ZNF516: variants seen among roughly 807,000 people sequenced by gnomAD.
The protein encoded by ZNF516 is zinc finger protein 516.
ZNF516 carries 19 observed loss-of-function variants against 79.7 expected under a neutral mutation model. The ratio of observed to expected loss-of-function variants is 0.24; its 90% CI spans 0.17 to 0.35. The LOEUF (loss-of-function observed/expected upper bound fraction) is 0.35, where lower values mean the gene tolerates loss of function less well. Ranked by LOEUF, ZNF516 falls within the 10% of genes least tolerant of loss-of-function variation. ZNF516 has a pLI of 1.00. For missense variants in ZNF516, 1,678 were observed against 1,679.5 expected (o/e 1.00, Z 0.02); for synonymous variants, 877 against 739.5 (o/e 1.19, Z -3.02).
chr18:76,357,860 A>G lies in ZNF516; in HGVS notation c.*4638T>C, dbSNP rs138846740. On this transcript the variant is annotated 3_prime_UTR_variant, in exon 7 of 7. Transcript: ENST00000443185. Reference sequence around the variant, plus strand: ...CCGCGTCCATCCCTGTGCGTCCTGTATGGGTGACAGTGCAAGGGTAAGAAC... The same window carrying G: ...CCGCGTCCATCCCTGTGCGTCCTGTGTGGGTGACAGTGCAAGGGTAAGAAC... 1.2e-4 allele frequency among the ~76,000 whole-genome samples: 19 copies of G among 152,218 alleles called. No individual in the cohort carries two copies. In the East Asian group the frequency reaches 3.5e-3, roughly 28 times the overall value.
intron 1 of ZNF516, among the ~76,000 whole-genome samples, chr18:76,486,051 A>G (rs1204201600): frequency 1.3e-5 from 2 of 152,288 alleles, no homozygotes; most frequent in African/African-American, 4.8e-5. Flanking sequence ...AGTCTTAACT[A>G]CTTATATTCA....
intron 1 of ZNF516, among the ~76,000 whole-genome samples, chr18:76,494,143 CAT>C (rs1335738414): frequency 4.6e-5 from 7 of 152,196 alleles, no homozygotes; most frequent in South Asian, 2.1e-4. Context: ...TCACCACACA[CAT>C]AAACTGCTGC....
intron 3 of ZNF516, among the ~76,000 whole-genome samples, chr18:76,418,478 CT>C (rs2075464294): frequency 6.6e-6 from 1 of 152,108 alleles, no homozygotes; most frequent in African/African-American, 2.4e-5. Flanking sequence ...CTACAACATG[CT>C]GTAACACACT....
intron 2 of ZNF516, among the ~76,000 whole-genome samples, chr18:76,458,886 T>C (rs1281811736): frequency 6.6e-6 from 1 of 151,010 alleles, no homozygotes; most frequent in Non-Finnish European, 1.5e-5. Context: ...GTCGTGTGTG[T>C]GCGTGCCTGT....
intron 3 of ZNF516, among the ~76,000 whole-genome samples, chr18:76,385,348 T>C (rs2074970005): frequency 6.6e-6 from 1 of 152,228 alleles, no homozygotes; most frequent in Non-Finnish European, 1.5e-5. Context: ...GTGGCAGACT[T>C]GCACTGTCTG....
Position 76,467,952 on chromosome 18 carries a change from CAA to C in ZNF516, c.-271-4813_-271-4812del, listed in dbSNP as rs1333281372. Among the ~76,000 whole-genome samples, 6 of 152,168 alleles carry C rather than the reference CAA, an allele frequency of 3.9e-5. No homozygotes were observed. In the East Asian group the frequency reaches 9.6e-4, roughly 24 times the overall value. Reference sequence around the variant, plus strand: ...CTGTCATCCCAGGCAGCCTTGCAAGCAAAGAGTAGCTGCGGCGCATTCCAGAC... The same window carrying C: ...CTGTCATCCCAGGCAGCCTTGCAAGCAGAGTAGCTGCGGCGCATTCCAGAC... On this transcript the variant is annotated intron_variant, in intron 1 of 6. Coordinates refer to ENST00000443185, the MANE Select transcript of ZNF516 (RefSeq NM_014643.4). This position sits in a 1 kb window ranked among gnomAD's most constrained non-coding sequence, Gnocchi z 4.2.
chr18:76,395,288 C>A (rs1159143953), intron 3 of ZNF516, among the ~76,000 whole-genome samples: 1 of 152,218 alleles, frequency 6.6e-6, no homozygotes, highest in Non-Finnish European at 1.5e-5. Flanking sequence ...CCTAAACGAG[C>A]ATCTCCCAGA....
At chr18:76,397,413 G>C (rs976081231) in intron 3 of ZNF516, among the ~76,000 whole-genome samples, 11 of 152,132 alleles carry the variant, frequency 7.2e-5, no homozygotes, top group Non-Finnish European at 1.3e-4. Flanking sequence ...GCCAGGACTA[G>C]AGCAACATGG....
intron 2 of ZNF516, among the ~76,000 whole-genome samples, chr18:76,444,930 C>T (rs560417344): frequency 5.7e-4 from 87 of 152,292 alleles, no homozygotes; most frequent in African/African-American, 2.0e-3. Flanking sequence ...CAGAAAGCCC[C>T]GCTTTGGAGG....
rs139116532 is a variant in ZNF516, at chr18:76,486,256, G to T, written c.-272+8888C>A. Among the ~76,000 whole-genome samples, 435 of 152,248 alleles carry T rather than the reference G, an allele frequency of 2.9e-3. 1 individual carries two copies. Among genetic ancestry groups the T allele is most frequent in the Non-Finnish European group, 4.5e-3 (303 of 68,020 alleles). ...ATCATTTACTGTACTAAATTTCAAA[G>T]AACATTCTCGAATGCTAAAATAAAT... On this transcript the variant is annotated intron_variant, in intron 1 of 6. Coordinates refer to ENST00000443185, the MANE Select transcript of ZNF516 (RefSeq NM_014643.4).
intron 3 of ZNF516, among the ~76,000 whole-genome samples, chr18:76,407,654 C>T (rs1410448185): frequency 6.6e-6 from 1 of 152,360 alleles, no homozygotes. Flanking sequence ...TTAACTCTTT[C>T]ATCCTTTCTG....
chr18:76,425,120 C>T (rs1315780199), intron 3 of ZNF516, among the ~76,000 whole-genome samples: 1 of 151,986 alleles, frequency 6.6e-6, no homozygotes, highest in Admixed American at 6.6e-5. Flanking sequence ...GGCCTTATCT[C>T]GGAGCCACAC....
intron 2 of ZNF516, 59 bp downstream of exon 2, chr18:76,462,969 C>T (rs1192318500): frequency 6.6e-6 from 1 of 152,176 alleles, no homozygotes; most frequent in African/African-American, 2.4e-5. Flanking sequence ...GATTGAAATT[C>T]CAGGTTTGTG....
intron 1 of ZNF516, among the ~76,000 whole-genome samples, chr18:76,485,846 T>C (rs2145808047): frequency 6.6e-6 from 1 of 150,800 alleles, no homozygotes; most frequent in South Asian, 2.1e-4. Flanking sequence ...GGATTGTCCA[T>C]TTGTTCATTA....
At chr18:76,391,431 A>G (rs1032858203) in intron 3 of ZNF516, among the ~76,000 whole-genome samples, 1 of 152,060 alleles carries the variant, frequency 6.6e-6, no homozygotes, top group African/African-American at 2.4e-5. Flanking sequence ...ACTAACTCTA[A>G]CACTATTAAC....
At chr18:76,414,749 A>T (rs1024711972) in intron 3 of ZNF516, among the ~76,000 whole-genome samples, 3 of 152,260 alleles carry the variant, frequency 2.0e-5, no homozygotes, top group African/African-American at 7.2e-5. Context: ...AGAATGGGCC[A>T]ATCATGTTCG....
chr18:76,463,648 G>A (rs975274188), intron 1 of ZNF516, among the ~76,000 whole-genome samples: 17 of 152,146 alleles, frequency 1.1e-4, no homozygotes, highest in African/African-American at 2.9e-4. Flanking sequence ...CAGCATCTGC[G>A]TTTACAAAAC....
intron 2 of ZNF516, among the ~76,000 whole-genome samples, chr18:76,462,121 G>A (rs17059394): frequency 0.016 from 2,511 of 152,188 alleles, 68 homozygotes; most frequent in African/African-American, 0.057. Context: ...CCACAGAAGC[G>A]TGTTTCCAGC....
chr18:76,477,879 G>C (rs1914267331), intron 1 of ZNF516, among the ~76,000 whole-genome samples: 1 of 152,000 alleles, frequency 6.6e-6, no homozygotes, highest in South Asian at 2.1e-4. Context: ...GGTTTGCTTT[G>C]AGTTACTTCA....
Sources: gnomAD v4.1 joint callset for allele counts (sites outside exome capture counted in the v4.1 genomes callset) on GRCh38, gnomAD v4.1.1 for gene constraint, Gnocchi (gnomAD v3.1) non-coding constraint, MANE v1.5 for transcripts, NCBI Gene and HGNC (gene_info 2026-07-23, HGNC 2026-07-21) for gene names.